VSIG10: variants seen among roughly 807,000 people sequenced by gnomAD.
VSIG10 encodes the protein V-set and immunoglobulin domain-containing protein 10.
A neutral mutation model predicts 58.7 loss-of-function variants in VSIG10; 48 were observed. That is an observed-to-expected ratio of 0.82 (90% CI 0.65 to 1.04). The LOEUF (loss-of-function observed/expected upper bound fraction) is 1.04. Ranked by LOEUF, VSIG10 falls within the 50% of genes least tolerant of loss-of-function variation. The pLI is 0.00. For missense variants in VSIG10, 628 were observed against 670.0 expected, an observed-to-expected ratio of 0.94 and a Z score of 0.69; for synonymous variants, 260 against 267.1, an observed-to-expected ratio of 0.97 and a Z score of 0.26.
In VSIG10 at chr12:118,063,611, A is replaced by G. The variant is rs980113677; in HGVS notation, c.*3028T>C. Reference sequence around the variant, plus strand: ...AAAGCACTTACTTAAAAATAGCTTTATTCCATTATCTTTTAAAAAAGGCAT... The same window carrying G: ...AAAGCACTTACTTAAAAATAGCTTTGTTCCATTATCTTTTAAAAAAGGCAT... On this transcript the variant is annotated 3_prime_UTR_variant, in exon 9 of 9. Coordinates refer to ENST00000359236, the MANE Select transcript of VSIG10 (RefSeq NM_019086.6). 3.9e-5 allele frequency: 6 copies of G among 152,174 alleles called. No individual in the cohort carries two copies. Among genetic ancestry groups the G allele is most frequent in the Non-Finnish European group, 7.3e-5 (5 of 68,034 alleles). The allele number at this position is 152,174 out of a possible 1,614,324, so 9.4% of individuals were successfully genotyped here. A position where few individuals can be genotyped will look rare whatever the true frequency, so the allele number is the denominator to read the frequency against.
intron 1 of VSIG10, among the ~76,000 whole-genome samples, chr12:118,100,624 G>C (rs748854553): frequency 6.6e-6 from 1 of 152,158 alleles, no homozygotes; most frequent in Non-Finnish European, 1.5e-5. Context: ...CTGCCTTTGG[G>C]TTCAAGCAAT....
chr12:118,088,186 A>G (rs2033188856), intron 2 of VSIG10, among the ~76,000 whole-genome samples: 1 of 147,612 alleles, frequency 6.8e-6, no homozygotes. Context: ...CGGAGGCTGC[A>G]GTGAGCCGAG....
chr12:118,087,844 A>AAAAAAAC (rs2033172817), intron 2 of VSIG10, among the ~76,000 whole-genome samples: 1 of 139,092 alleles, frequency 7.2e-6, no homozygotes, highest in African/African-American at 2.5e-5. Flanking sequence ...TCTCAAAAAA[A>AAAAAAAC]AAAAAAAAAA....
chr12:118,067,803 G>A (rs531249061), intron 8 of VSIG10, among the ~76,000 whole-genome samples: 85 of 152,082 alleles, frequency 5.6e-4, no homozygotes, highest in Non-Finnish European at 1.1e-3. Flanking sequence ...GACACTACCA[G>A]TCTCTATTTT....
chr12:118,093,904 G>C (rs142739681), intron 2 of VSIG10, among the ~76,000 whole-genome samples: 1 of 151,866 alleles, frequency 6.6e-6, no homozygotes, highest in Non-Finnish European at 1.5e-5. Flanking sequence ...GTGAGACTAC[G>C]TCTCAAAAAA....
At chr12:118,096,106 A>C (rs1430840982) in intron 1 of VSIG10, among the ~76,000 whole-genome samples, 2 of 151,584 alleles carry the variant, frequency 1.3e-5, no homozygotes, top group Non-Finnish European at 2.9e-5. Context: ...TTATATTTTC[A>C]AAAGGGACAG....
intron 2 of VSIG10, among the ~76,000 whole-genome samples, chr12:118,088,747 G>A (rs114349093): frequency 9.1e-4 from 139 of 152,172 alleles, no homozygotes; most frequent in African/African-American, 3.2e-3. Context: ...AACCCCAGAC[G>A]GCTCTGGTGT....
intron 1 of VSIG10, chr12:118,102,279 G>C (rs1373888242): frequency 1.3e-5 from 2 of 152,190 alleles, no homozygotes; most frequent in African/African-American, 4.8e-5. Flanking sequence ...TGGGGAGATG[G>C]GAATACTTGA....
chr12:118,091,032 G>A (rs2033278311), intron 2 of VSIG10, among the ~76,000 whole-genome samples: 1 of 152,100 alleles, frequency 6.6e-6, no homozygotes, highest in Admixed American at 6.6e-5. Flanking sequence ...CTACTCAGGT[G>A]GCTGAGGCAT....
rs1306973756 is a variant in VSIG10 at position 118,071,366 on chromosome 12, G to A, written c.1323C>T (p.Cys441=). 3 of 1,613,592 alleles carry A rather than the reference G, an allele frequency of 1.9e-6. No homozygotes were observed. The highest frequency in any genetic ancestry group is 1.7e-5 in the Admixed American group (1 of 59,968). Reference sequence around the variant, plus strand: ...GACCCAGGGAGTCCTTACCTTTCCAGCAGAACACAGGGCTATAATGCAACA... The same window carrying A: ...GACCCAGGGAGTCCTTACCTTTCCAACAGAACACAGGGCTATAATGCAACA... ...GLLLHYSPVF[C]WKVGNTSRGQ... is the part of the protein sequence containing the mutation. The change falls in exon 6 of 9, where the codon TGC becomes TGT. Residue 441 remains cysteine, a synonymous_variant. Coordinates refer to ENST00000359236, the MANE Select transcript of VSIG10 (RefSeq NM_019086.6).
chr12:118,093,275 G>A (rs2033351607), intron 2 of VSIG10, among the ~76,000 whole-genome samples: 2 of 151,826 alleles, frequency 1.3e-5, no homozygotes, highest in Non-Finnish European at 2.9e-5. Flanking sequence ...CTCCAGCCTA[G>A]GCGACAGAGT....
intron 2 of VSIG10, among the ~76,000 whole-genome samples, chr12:118,087,874 T>G (rs2033176519): frequency 1.5e-5 from 2 of 132,274 alleles, no homozygotes; most frequent in South Asian, 4.9e-4. Flanking sequence ...AAGGAGGTAA[T>G]GTGACTCAGC....
At chr12:118,085,621 G>A (rs370951520) in intron 2 of VSIG10, among the ~76,000 whole-genome samples, 4 of 152,324 alleles carry the variant, frequency 2.6e-5, no homozygotes, top group African/African-American at 9.6e-5. Flanking sequence ...CAGCATTTTG[G>A]GAGGCCGAGG....
At chr12:118,088,460 A>G (rs1192596574) in intron 2 of VSIG10, among the ~76,000 whole-genome samples, 3 of 152,182 alleles carry the variant, frequency 2.0e-5, no homozygotes, top group Non-Finnish European at 4.4e-5. Flanking sequence ...ACTGGAGTTC[A>G]AGGGACTTTC....
chr12:118,095,561 C>G lies in VSIG10; in HGVS notation c.333G>C (p.Gln111His). ...CCACCTGCAGCCACACTTGGAACCACTGAGTCACATTCAGGATCTCCTGGC... is the reference window on the plus strand; with the variant it reads ...CCACCTGCAGCCACACTTGGAACCAGTGAGTCACATTCAGGATCTCCTGGC... ...YTCQEILNVT[Q>H]WFQVWLQVAS... is the part of the protein sequence containing the mutation. Residue 111 changes from glutamine (Q) to histidine (H), a missense_variant, in exon 2 of 9, where the codon CAG (glutamine) becomes CAC (histidine). Transcript: ENST00000359236. 6.2e-7 allele frequency: 1 copy of G among 1,613,994 alleles called. No homozygotes were observed. The highest frequency in any genetic ancestry group is 8.5e-7 in the Non-Finnish European group (1 of 1,179,886).
intron 1 of VSIG10, among the ~76,000 whole-genome samples, chr12:118,099,495 T>A (rs1162582272): frequency 6.6e-6 from 1 of 152,028 alleles, no homozygotes; most frequent in Non-Finnish European, 1.5e-5. Flanking sequence ...CATTAGACTG[T>A]CACTAGGTAA....
chr12:118,075,048 TTATCA>T (rs2032656576), intron 4 of VSIG10, among the ~76,000 whole-genome samples: 1 of 151,176 alleles, frequency 6.6e-6, no homozygotes, highest in Non-Finnish European at 1.5e-5. Context: ...TAAATTAACC[TTATCA>T]TAAGTATTTA....
At position 118,082,268 on chromosome 12, in the gene VSIG10, C is replaced by A; in HGVS notation, c.523G>T (p.Glu175Ter). 6.2e-7 allele frequency: 1 copy of A among 1,613,858 alleles called. No homozygotes were observed. Among genetic ancestry groups the A allele is most frequent in the Non-Finnish European group, 8.5e-7 (1 of 1,179,862 alleles). Reference sequence around the variant, plus strand: ...ACTGTCAGGTTGTGGCCAAAGGACTCGCTGCTGGAATTCAGGGCCTGGAAC... The same window carrying A: ...ACTGTCAGGTTGTGGCCAAAGGACTAGCTGCTGGAATTCAGGGCCTGGAAC... ...WWFQALNSSSESFGHNLTVNF... is the reference protein window; with the variant it reads ...WWFQALNSSS The change falls in exon 3 of 9, where the codon GAG becomes TAG. Residue 175 changes from glutamate to a stop codon, truncating the protein, a stop_gained. Coordinates refer to ENST00000359236, the MANE Select transcript of VSIG10 (RefSeq NM_019086.6). LOFTEE classifies it high-confidence loss of function.
chr12:118,102,296 C>G (rs1312587520), intron 1 of VSIG10: 1 of 152,276 alleles, frequency 6.6e-6, no homozygotes, highest in Admixed American at 6.5e-5. Context: ...TTGACAACCA[C>G]CTTTCACGTC....
Sources: gnomAD v4.1 joint callset for allele counts (sites outside exome capture counted in the v4.1 genomes callset) on GRCh38, gnomAD v4.1.1 for gene constraint, MANE v1.5 for transcripts, NCBI Gene and HGNC (gene_info 2026-07-23, HGNC 2026-07-21) for gene names.